Variants in SLC15A2 observed in about 807,000 individuals in gnomAD.
The protein encoded by SLC15A2 is solute carrier family 15 member 2, also known as kidney H(+)/peptide cotransporter.
A neutral mutation model predicts 95.5 loss-of-function variants in SLC15A2; 77 were observed. That is an observed-to-expected ratio of 0.81 (90% CI 0.67 to 0.97). The LOEUF (loss-of-function observed/expected upper bound fraction) is 0.97, where lower values mean the gene tolerates loss of function less well. Among genes scored for constraint, SLC15A2 ranks in the 50% least tolerant of loss-of-function variants. SLC15A2 has a pLI of 0.00. For synonymous variants in SLC15A2, 306 were observed against 306.9 expected (o/e 1.00, Z 0.03); for missense variants, 893 against 874.4 (o/e 1.02, Z -0.27).
chr3:121,914,149 C>A (rs1404021023), intron 5 of SLC15A2, among the ~76,000 whole-genome samples: 1 of 152,046 alleles, frequency 6.6e-6, no homozygotes, highest in Non-Finnish European at 1.5e-5. Flanking sequence ...GGAGAAAGAA[C>A]CAACTTTTGG....
intron 3 of SLC15A2, among the ~76,000 whole-genome samples, chr3:121,908,295 C>A (rs1460569494): frequency 6.6e-6 from 1 of 152,214 alleles, no homozygotes; most frequent in Non-Finnish European, 1.5e-5. Flanking sequence ...GTCACGGCTT[C>A]CCTTGGCTAG....
chr3:121,938,950 G>T (rs1044522270), intron 19 of SLC15A2, among the ~76,000 whole-genome samples: 1 of 152,210 alleles, frequency 6.6e-6, no homozygotes, highest in Non-Finnish European at 1.5e-5. Flanking sequence ...AGCCTGAGAA[G>T]TATAATCTCT....
rs189331203 is a variant in SLC15A2, at chr3:121,941,810, C to T, written c.*803C>T. 1 of 152,356 alleles carries T rather than the reference C, an allele frequency of 6.6e-6. No homozygotes were observed. The highest frequency in any genetic ancestry group is 1.5e-5 in the Non-Finnish European group (1 of 68,028). 9.4% of individuals were successfully genotyped at this position (152,356 alleles called of 1,614,324 possible). ...TACATTCTTCTTAGCCTCTATGGCGCTGGTCTATGCCCTTCAGTGAACAGT... is the reference window on the plus strand; with the variant it reads ...TACATTCTTCTTAGCCTCTATGGCGTTGGTCTATGCCCTTCAGTGAACAGT... On this transcript the variant is annotated 3_prime_UTR_variant, in exon 22 of 22. Coordinates refer to ENST00000489711, the MANE Select transcript of SLC15A2 (RefSeq NM_021082.4).
intron 11 of SLC15A2, 56 bp from the exon 12 acceptor site, chr3:121,924,295 C>CA: frequency 1.6e-6 from 2 of 1,217,660 alleles, no homozygotes; most frequent in East Asian, 2.6e-5. Context: ...TCTAGGCCAA[C>CA]ATTTTTTTTT....
chr3:121,913,172 G>A, intron 5 of SLC15A2, 52 bp downstream of exon 5: 6 of 1,384,140 alleles, frequency 4.3e-6, no homozygotes, highest in Non-Finnish European at 6.2e-6. Flanking sequence ...AGCATTAATG[G>A]GGGTATCTGG....
intron 7 of SLC15A2, among the ~76,000 whole-genome samples, chr3:121,920,330 T>C (rs1301565492): frequency 1.3e-5 from 2 of 152,196 alleles, no homozygotes; most frequent in Non-Finnish European, 2.9e-5. Flanking sequence ...ATAGTCTCAC[T>C]GTGTCAGCAG....
At chr3:121,936,524 C>T (rs1394518422) in intron 19 of SLC15A2, among the ~76,000 whole-genome samples, 2 of 151,458 alleles carry the variant, frequency 1.3e-5, no homozygotes, top group Admixed American at 6.6e-5. Context: ...ATGTAATGGC[C>T]TTCTTTGTCT....
intron 3 of SLC15A2, among the ~76,000 whole-genome samples, chr3:121,909,475 G>C (rs781171568): frequency 6.6e-6 from 1 of 152,098 alleles, no homozygotes; most frequent in African/African-American, 2.4e-5. Context: ...GCTATGGTTG[G>C]GATTACAATG....
intron 3 of SLC15A2, among the ~76,000 whole-genome samples, chr3:121,900,981 GTATATAATA>G (rs962049474): frequency 1.3e-5 from 2 of 149,082 alleles, no homozygotes; most frequent in African/African-American, 4.9e-5. Context: ...TTATATGAAT[GTATATAATA>G]TGTATAATAT....
At position 121,915,105 on chromosome 3, in the gene SLC15A2, G is replaced by A; in HGVS notation, c.529-122G>A. ...TATCTATTAATAATATGAAATTCAG[G>A]TATTGTGGAGGCAATATCTGAATCT... On this transcript the variant is annotated intron_variant, in intron 5 of 21. Coordinates refer to ENST00000489711, the MANE Select transcript of SLC15A2 (RefSeq NM_021082.4). 4.6e-6 allele frequency: 5 copies of A among 1,082,818 alleles called. No homozygotes were observed. The South Asian group carries it at 8.1e-5, about 17-fold the overall frequency. The allele number at this position is 1,082,818 out of a possible 1,614,324, so 67.1% of individuals were successfully genotyped here. A position where few individuals can be genotyped will look rare whatever the true frequency, so the allele number is the denominator to read the frequency against.
rs1710070341 is a variant in SLC15A2, at chr3:121,924,403, C to T, written c.1035+20C>T. The T allele has an allele frequency of 1.2e-6, 2 of 1,608,118 alleles. No homozygotes were observed. Among genetic ancestry groups the T allele is most frequent in the East Asian group, 2.2e-5 (1 of 44,848 alleles). ...ATGCAGGTATGTGACTCTTCTATAG[C>T]CATGGGGACTTATTTGTTTCCTTAT... On this transcript the variant is annotated intron_variant, in intron 12 of 21. Coordinates refer to ENST00000489711, the MANE Select transcript of SLC15A2 (RefSeq NM_021082.4).
At chr3:121,901,559 G>A (rs1333436578) in intron 3 of SLC15A2, among the ~76,000 whole-genome samples, 1 of 152,158 alleles carries the variant, frequency 6.6e-6, no homozygotes, top group Non-Finnish European at 1.5e-5. Flanking sequence ...TTGAGAAAAT[G>A]TGGGTAACTT....
At chr3:121,915,487 T>C in intron 6 of SLC15A2, 129 bp from the exon 7 acceptor site, 2 of 809,894 alleles carry the variant, frequency 2.5e-6, no homozygotes, top group South Asian at 1.6e-5. Context: ...GATTAGGTGA[T>C]GGGAGGAAAG....
chr3:121,925,070 T>C (rs2107598871), intron 13 of SLC15A2, 37 bp downstream of exon 13: 9 of 1,381,540 alleles, frequency 6.5e-6, no homozygotes, highest in Non-Finnish European at 9.3e-6. Context: ...TTACTCTAAA[T>C]TGACTCAGTC....
chr3:121,897,217 G>A (rs1288201932), intron 2 of SLC15A2, among the ~76,000 whole-genome samples, 171 bp from the exon 3 acceptor site: 1 of 151,832 alleles, frequency 6.6e-6, no homozygotes, highest in African/African-American at 2.4e-5. Context: ...AACTCCCATG[G>A]GGCCCTGCTT....
At chr3:121,926,347 T>C (rs1245923754) in intron 13 of SLC15A2, among the ~76,000 whole-genome samples, 4 of 152,162 alleles carry the variant, frequency 2.6e-5, no homozygotes, top group African/African-American at 9.7e-5. Context: ...GCTGTCCTTA[T>C]GATAGTGAGT....
At chr3:121,900,264 C>T (rs1709496703) in intron 3 of SLC15A2, among the ~76,000 whole-genome samples, 1 of 152,160 alleles carries the variant, frequency 6.6e-6, no homozygotes, top group Non-Finnish European at 1.5e-5. Flanking sequence ...CAAATTCTAC[C>T]AATTCTGCTT....
chr3:121,896,379 T>C (rs1338006013), intron 1 of SLC15A2, 27 bp from the exon 2 acceptor site: 2 of 1,566,658 alleles, frequency 1.3e-6, no homozygotes, highest in Middle Eastern at 1.7e-4. Context: ...CAGCTCATGC[T>C]TGAATCATTG....
chr3:121,911,469 C>A, intron 3 of SLC15A2, 105 bp from the exon 4 acceptor site: 1 of 706,954 alleles, frequency 1.4e-6, no homozygotes, highest in Non-Finnish European at 2.5e-6. Flanking sequence ...CCCTCCTCCT[C>A]CTCCTCCATT....
Sources: gnomAD v4.1 joint callset for allele counts (sites outside exome capture counted in the v4.1 genomes callset) on GRCh38, gnomAD v4.1.1 for gene constraint, MANE v1.5 for transcripts, NCBI Gene and HGNC (gene_info 2026-07-23, HGNC 2026-07-21) for gene names.